TAPT1: variants seen among roughly 807,000 people sequenced by gnomAD.
TAPT1 encodes the protein transmembrane anterior posterior transformation 1.
In TAPT1, 28 loss-of-function variants were observed where a neutral mutation model predicts 65.6. That is an observed-to-expected ratio of 0.43 (90% CI 0.32 to 0.59). The LOEUF (loss-of-function observed/expected upper bound fraction) is 0.59. Ranked by LOEUF, TAPT1 falls within the 20% of genes least tolerant of loss-of-function variation. The probability of loss-of-function intolerance (pLI) is 0.09; values close to 1 mark genes in which losing one functional copy is unlikely to be tolerated. For synonymous variants in TAPT1, 278 were observed against 245.2 expected (o/e 1.13, Z -1.25); for missense variants, 563 against 679.9 (o/e 0.83, Z 1.91).
chr4:16,171,913 C>A (rs1162622060), intron 11 of TAPT1, among the ~76,000 whole-genome samples: 2 of 152,048 alleles, frequency 1.3e-5, no homozygotes, highest in Non-Finnish European at 2.9e-5. Context: ...GATATAAAAT[C>A]ATTTTACGAC....
chr4:16,183,528 G>C (rs1162285110), intron 7 of TAPT1, among the ~76,000 whole-genome samples: 2 of 152,026 alleles, frequency 1.3e-5, no homozygotes, highest in Non-Finnish European at 2.9e-5. Flanking sequence ...CAACATGCTG[G>C]CCATAAGGTT....
intron 3 of TAPT1, among the ~76,000 whole-genome samples, chr4:16,192,518 CCTTA>C (rs1452969700): frequency 7.2e-5 from 11 of 152,260 alleles, no homozygotes; most frequent in African/African-American, 2.4e-4. Context: ...AAGAATCACT[CCTTA>C]CTTCTGAGGT....
intron 12 of TAPT1, among the ~76,000 whole-genome samples, chr4:16,169,466 A>G (rs1416916514): frequency 6.6e-6 from 1 of 152,274 alleles, no homozygotes; most frequent in African/African-American, 2.4e-5. Context: ...GAGAATCTAC[A>G]TTAGAAAAGG....
intron 2 of TAPT1, among the ~76,000 whole-genome samples, chr4:16,206,186 G>A (rs1319066848): frequency 6.6e-6 from 1 of 152,194 alleles, no homozygotes; most frequent in East Asian, 1.9e-4. Context: ...GGCCAACAAA[G>A]GGATTATCAT....
chr4:16,183,401 A>AT (rs768682538), intron 7 of TAPT1, among the ~76,000 whole-genome samples: 28 of 151,934 alleles, frequency 1.8e-4, no homozygotes, highest in Admixed American at 7.2e-4. Context: ...TCATTATATC[A>AT]TTTTTTTTCC....
rs148535166 is a variant in TAPT1, at chr4:16,161,996, T to A, written c.*1312A>T. 1 of 152,306 alleles carries A rather than the reference T, an allele frequency of 6.6e-6. No homozygotes were observed. The highest frequency in any genetic ancestry group is 1.9e-4 in the East Asian group (1 of 5,182). 9.4% of individuals were successfully genotyped at this position (152,306 alleles called of 1,614,324 possible). ...TTTTACAGAAATGCAAACACGGTTG[T>A]CAAGATAAAATGGGGTGGGAAATAA... is the stretch of plus-strand genomic sequence containing the variant. On this transcript the variant is annotated 3_prime_UTR_variant, in exon 14 of 14. Transcript: ENST00000405303.
rs1213233466 is a variant in TAPT1 at position 16,211,282 on chromosome 4, A to G, written c.330+2486T>C. Among the ~76,000 whole-genome samples the G allele has an allele frequency of 5.3e-5, 8 of 152,234 alleles. No homozygotes were observed. In the East Asian group the frequency reaches 5.8e-4, roughly 11 times the overall value. Reference sequence around the variant, plus strand: ...ATTAGAATAGACAATGTAAACAAAAAAAGCCAATAAAAAATTATTTAGGTT... The same window carrying G: ...ATTAGAATAGACAATGTAAACAAAAGAAGCCAATAAAAAATTATTTAGGTT... On this transcript the variant is annotated intron_variant, in intron 2 of 13. Transcript: ENST00000405303.
At chr4:16,227,263 G>C, upstream of TAPT1, 1 of 455,458 alleles carries the variant, frequency 2.2e-6, no homozygotes, top group South Asian at 1.6e-5. Flanking sequence ...ACTGTCTTTC[G>C]GGACTGGGGT....
intron 2 of TAPT1, among the ~76,000 whole-genome samples, chr4:16,208,451 C>T (rs111929874): frequency 3.9e-5 from 6 of 152,258 alleles, no homozygotes; most frequent in East Asian, 1.9e-4. Context: ...GGAAGTATTC[C>T]AGGCCACGTC....
At chr4:16,174,138 C>A in intron 11 of TAPT1, 66 bp downstream of exon 11, 2 of 1,168,992 alleles carry the variant, frequency 1.7e-6, no homozygotes, top group South Asian at 1.4e-5. Flanking sequence ...TATTAATAAT[C>A]CATTTATTAA....
intron 2 of TAPT1, 92 bp from the exon 3 acceptor site, chr4:16,202,672 TA>T (rs918100240): frequency 4.4e-6 from 3 of 674,476 alleles, no homozygotes; most frequent in African/African-American, 1.8e-5. Context: ...CTAAACATTA[TA>T]AAAAATTAAT....
At chr4:16,184,164 T>G (rs981468503) in intron 7 of TAPT1, among the ~76,000 whole-genome samples, 4 of 152,184 alleles carry the variant, frequency 2.6e-5, no homozygotes, top group Non-Finnish European at 4.4e-5. Context: ...AAAGCTCCTT[T>G]GAGTCCCCTT....
Sources: gnomAD v4.1 joint callset for allele counts (sites outside exome capture counted in the v4.1 genomes callset) on GRCh38, gnomAD v4.1.1 for gene constraint, MANE v1.5 for transcripts, NCBI Gene and HGNC (gene_info 2026-07-23, HGNC 2026-07-21) for gene names.